SLC4A4: variants seen among roughly 807,000 people sequenced by gnomAD.
SLC4A4 encodes solute carrier family 4 member 4.
SLC4A4 carries 27 observed loss-of-function variants against 111.5 expected under a neutral mutation model. The observed-to-expected ratio is 0.24, with a 90% CI of 0.18 to 0.33. The LOEUF (loss-of-function observed/expected upper bound fraction) is 0.33, where lower values mean the gene tolerates loss of function less well. Ranked by LOEUF, SLC4A4 falls within the 10% of genes least tolerant of loss-of-function variation. The pLI is 1.00. For missense variants in SLC4A4, 909 were observed against 1,315.5 expected, an observed-to-expected ratio of 0.69 and a Z score of 4.78; for synonymous variants, 443 against 463.4, an observed-to-expected ratio of 0.96 and a Z score of 0.57.
chr4:71,474,637 TG>T, intron 14 of SLC4A4, among the ~76,000 whole-genome samples: 1 of 151,954 alleles, frequency 6.6e-6, no homozygotes, highest in Non-Finnish European at 1.5e-5. Context: ...AGGGCATTGT[TG>T]GGCTGTGTGC....
intron 3 of SLC4A4, among the ~76,000 whole-genome samples, chr4:71,263,180 G>A (rs1721995066): frequency 6.6e-6 from 1 of 151,940 alleles, no homozygotes; most frequent in Admixed American, 6.6e-5. Flanking sequence ...ATGTAACAAA[G>A]TTTCCTCTGC....
intron 2 of SLC4A4, among the ~76,000 whole-genome samples, chr4:71,144,801 T>A (rs1413973415): frequency 6.6e-6 from 1 of 152,234 alleles, no homozygotes; most frequent in Non-Finnish European, 1.5e-5. Flanking sequence ...TGATTTTGTA[T>A]CCTGAGACTT....
intron 2 of SLC4A4, among the ~76,000 whole-genome samples, chr4:71,093,150 C>A (rs1483772901): frequency 6.6e-6 from 1 of 151,790 alleles, no homozygotes; most frequent in Non-Finnish European, 1.5e-5. Context: ...GTATTTTGAC[C>A]TCTTTTGTTT....
chr4:71,066,288 C>T lies in SLC4A4; in HGVS notation c.-65+3500C>T, dbSNP rs968567152. Among the ~76,000 whole-genome samples, 3 of 152,132 alleles carry T rather than the reference C, an allele frequency of 2.0e-5. No individual in the cohort carries two copies. In the East Asian group the frequency reaches 5.8e-4, roughly 29 times the overall value. ...ATTGGTGATACTGCCTCTTTCATAC[C>T]TTACATTTGTATACGCTACTACAGG... On this transcript the variant is annotated intron_variant, in intron 1 of 26. Transcript: ENST00000649996.
intron 2 of SLC4A4, among the ~76,000 whole-genome samples, chr4:71,098,558 G>T (rs1179559839): frequency 6.6e-6 from 1 of 151,954 alleles, no homozygotes; most frequent in African/African-American, 2.4e-5. Context: ...TCCACAAAAA[G>T]AAACTGGCAT....
chr4:71,172,956 T>C (rs1439878758), intron 2 of SLC4A4, among the ~76,000 whole-genome samples: 3 of 152,224 alleles, frequency 2.0e-5, no homozygotes, highest in Non-Finnish European at 4.4e-5. Flanking sequence ...ACATACTTTG[T>C]AGTACTGTCT....
chr4:71,536,486 A>ATATATATATATG lies in SLC4A4; in HGVS notation c.2442+2099_2442+2100insATATATATATGT, dbSNP rs199681803. On this transcript the variant is annotated intron_variant, in intron 18 of 25. Transcript: ENST00000264485. ...TATACATATATATATATATATATAT[A>ATATATATATATG]TGTATATATTTATTTATTTATTTAT... 4.6e-4 allele frequency among the ~76,000 whole-genome samples: 31 copies of ATATATATATATG among 68,038 alleles called. 1 individual carries two copies. The highest frequency in any genetic ancestry group is 7.1e-4 in the Non-Finnish European group (25 of 35,402). The allele number at this position is 68,038 out of a possible 152,430, so 44.6% of individuals were successfully genotyped here.
At chr4:71,433,005 G>A (rs969375220) in intron 7 of SLC4A4, among the ~76,000 whole-genome samples, 1 of 151,978 alleles carries the variant, frequency 6.6e-6, no homozygotes, top group Non-Finnish European at 1.5e-5. Flanking sequence ...ATGGTCTTCC[G>A]AAATTCTTAT....
At chr4:71,386,924 G>A (rs1327701726) in intron 6 of SLC4A4, among the ~76,000 whole-genome samples, 1 of 152,114 alleles carries the variant, frequency 6.6e-6, no homozygotes, top group African/African-American at 2.4e-5. Flanking sequence ...ATTCTGAGGG[G>A]TGCTCTAAGC....
At chr4:71,450,571 A>C in intron 10 of SLC4A4, 28 bp downstream of exon 10, 2 of 1,604,908 alleles carry the variant, frequency 1.2e-6, no homozygotes, top group Non-Finnish European at 1.7e-6. Context: ...GATAATTTTC[A>C]GTAGCTGAGA....
At chr4:71,424,574 A>C (rs943323933) in intron 7 of SLC4A4, among the ~76,000 whole-genome samples, 1 of 152,124 alleles carries the variant, frequency 6.6e-6, no homozygotes, top group African/African-American at 2.4e-5. Flanking sequence ...CACAATAGCA[A>C]AGACTTGGAA....
intron 16 of SLC4A4, among the ~76,000 whole-genome samples, chr4:71,524,273 G>T (rs1733221823): frequency 1.3e-5 from 2 of 152,128 alleles, no homozygotes. Context: ...TTGAGATGTA[G>T]TATTTTCCAT....
intron 1 of SLC4A4, among the ~76,000 whole-genome samples, chr4:71,211,946 A>C (rs552165780): frequency 6.6e-6 from 1 of 152,174 alleles, no homozygotes; most frequent in Non-Finnish European, 1.5e-5. Context: ...TACCTAAGAC[A>C]GGGTTTGTAA....
chr4:71,547,500 C>G (rs565290578), intron 19 of SLC4A4, 148 bp from the exon 20 acceptor site: 150 of 714,794 alleles, frequency 2.1e-4, no homozygotes, highest in Admixed American at 4.5e-4. Context: ...ATACGCTATC[C>G]TTGAGGTATT....
At chr4:71,469,370 A>AT (rs1267867986) in intron 13 of SLC4A4, among the ~76,000 whole-genome samples, 1 of 151,670 alleles carries the variant, frequency 6.6e-6, no homozygotes, top group Admixed American at 6.6e-5. Context: ...TACCGGATGT[A>AT]TTTTTTTAGG....
chr4:71,236,315 C>T, intron 1 of SLC4A4: 1 of 1,002,556 alleles, frequency 1.0e-6, no homozygotes, highest in Non-Finnish European at 1.3e-6. Context: ...ATCCTGCCTA[C>T]AGGATTGGGA....
intron 7 of SLC4A4, among the ~76,000 whole-genome samples, chr4:71,405,000 G>A (rs906919167): frequency 6.6e-6 from 1 of 151,100 alleles, no homozygotes; most frequent in African/African-American, 2.4e-5. Flanking sequence ...TTTTTTTTGA[G>A]ACATGCAGTT....
intron 1 of SLC4A4, among the ~76,000 whole-genome samples, chr4:71,209,139 G>A (rs1318509750): frequency 6.6e-6 from 1 of 152,136 alleles, no homozygotes; most frequent in East Asian, 1.9e-4. Context: ...TATATGACAA[G>A]GGCACATATT....
intron 6 of SLC4A4, among the ~76,000 whole-genome samples, chr4:71,366,538 C>G (rs1388619468): frequency 6.6e-6 from 1 of 152,074 alleles, no homozygotes; most frequent in African/African-American, 2.4e-5. Context: ...TATATCTTTC[C>G]TCATCAGATT....
Sources: allele counts gnomAD v4.1 joint callset (sites outside exome capture counted in the v4.1 genomes callset), GRCh38; gene constraint gnomAD v4.1.1; transcripts MANE v1.5; gene names NCBI Gene and HGNC (gene_info 2026-07-23, HGNC 2026-07-21).